GCN1: variants seen among roughly 807,000 people sequenced by gnomAD.
GCN1 encodes stalled ribosome sensor GCN1.
Under a neutral mutation model 288.4 loss-of-function variants are expected in GCN1, and 90 were observed. The ratio of observed to expected loss-of-function variants is 0.31; its 90% CI spans 0.26 to 0.37. The LOEUF (loss-of-function observed/expected upper bound fraction) is 0.37, where lower values mean the gene tolerates loss of function less well. GCN1 is among the 10% of genes least tolerant of loss of function. The pLI, the probability that GCN1 is intolerant of heterozygous loss-of-function variation, is 1.00. For synonymous variants in GCN1, 1,386 were observed against 1,420.2 expected, an observed-to-expected ratio of 0.98 and a Z score of 0.54; for missense variants, 2,586 against 3,419.9, an observed-to-expected ratio of 0.76 and a Z score of 6.08.
At chr12:120,162,265 G>T (rs947147912) in intron 20 of GCN1, 5 of 581,112 alleles carry the variant, frequency 8.6e-6, no homozygotes, top group Non-Finnish European at 1.2e-5. Context: ...AGCACCTGAC[G>T]TGAGGTGATA....
Position 120,157,949 on chromosome 12 carries a change from C to T in GCN1, c.2987G>A (p.Ser996Asn), listed in dbSNP as rs548917102. Residue 996 changes from serine (S) to asparagine (N), a missense_variant, in exon 26 of 58, where the codon AGT (serine) becomes AAT (asparagine). By Grantham distance (46) the Ser-to-Asn change is conservative. This residue lies in a region of GCN1 where 153 missense variants were observed against 252.0 expected (regional missense o/e 0.61). Coordinates refer to ENST00000300648, the MANE Select transcript of GCN1 (RefSeq NM_006836.2). ...KMVLTEMPHH[S>N]EEEEEWMAQI... ...GGCCATCCACTCCTCCTCCTCCTCA[C>T]TGTGGTGGGGCATCTCCGTCAGCAC... is the stretch of plus-strand genomic sequence containing the variant. The T allele has an allele frequency of 5.0e-6, 8 of 1,614,010 alleles. No homozygotes were observed. The highest frequency in any genetic ancestry group is 4.4e-5 in the South Asian group (4 of 91,080).
At position 120,156,380 on chromosome 12, in the gene GCN1, T is replaced by C. The variant is rs558704849; in HGVS notation, c.3312+81A>G. 8 of 1,387,096 alleles carry C rather than the reference T, an allele frequency of 5.8e-6. No individual in the cohort carries two copies. The Admixed American group carries it at 1.4e-4, about 24-fold the overall frequency. The allele number at this position is 1,387,096 out of a possible 1,614,324, so 85.9% of individuals were successfully genotyped here. A position where few individuals can be genotyped will look rare whatever the true frequency, so the allele number is the denominator to read the frequency against. On this transcript the variant is annotated intron_variant, in intron 28 of 57. Transcript: ENST00000300648. The surrounding 1 kb of genome is among the most constrained non-coding windows in gnomAD (Gnocchi z 5.8). ...GGCCTCCCACCAGAGTGAGGGACAT[T>C]CTCTCAAATGCCCATCATGCAATTT...
rs762722545 is a variant in GCN1 at position 120,170,333 on chromosome 12, G to A, written c.1367-12C>T. 68 of 1,613,262 alleles carry A rather than the reference G, an allele frequency of 4.2e-5. No individual in the cohort carries two copies. The highest frequency in any genetic ancestry group is 5.5e-5 in the Non-Finnish European group (65 of 1,179,448). Reference sequence around the variant, plus strand: ...CAACAGCGTGTCACCTGTGGAGAGAGGACAAGCACCTTAAAGGACATCCTG... The same window carrying A: ...CAACAGCGTGTCACCTGTGGAGAGAAGACAAGCACCTTAAAGGACATCCTG... On this transcript the variant is annotated splice_polypyrimidine_tract_variant and intron_variant, in intron 14 of 57. Transcript: ENST00000300648.
chr12:120,141,864 A>G (rs1471853714), intron 44 of GCN1, among the ~76,000 whole-genome samples: 1 of 152,194 alleles, frequency 6.6e-6, no homozygotes, highest in Non-Finnish European at 1.5e-5. Context: ...TTGCAGTGCC[A>G]TGCAGCACTG....
At position 120,178,717 on chromosome 12, in the gene GCN1, G is replaced by A. The variant is rs771738501; in HGVS notation, c.568C>T (p.Leu190=). The A allele has an allele frequency of 2.5e-6, 4 of 1,614,020 alleles. No individual in the cohort carries two copies. The highest frequency in any genetic ancestry group is 2.7e-5 in the African/African-American group (2 of 74,942). ...VEQYLSAILS[L]EPNQNYAGML... is the part of the protein sequence containing the mutation. The stretch of plus-strand genomic sequence containing the variant: ...CCAGCATAGTTCTGGTTGGGCTCTA[G>A]GCTGAGAATGGCTGACAAGTACTGT... The change falls in exon 7 of 58, where the codon CTA becomes TTA. Residue 190 remains leucine, a synonymous_variant. Coordinates refer to ENST00000300648, the MANE Select transcript of GCN1 (RefSeq NM_006836.2).
chr12:120,173,300 G>A (rs1226045275), intron 14 of GCN1, among the ~76,000 whole-genome samples: 1 of 151,940 alleles, frequency 6.6e-6, no homozygotes, highest in Non-Finnish European at 1.5e-5. Context: ...TGCCCGCCTC[G>A]GCCTTCCAAA....
At chr12:120,160,389 C>T (rs1208302935) in intron 22 of GCN1, 134 bp from the exon 23 acceptor site, 7 of 643,604 alleles carry the variant, frequency 1.1e-5, no homozygotes, top group Non-Finnish European at 1.7e-5. Context: ...CCTGAACCCA[C>T]CATGTGCACC....
At chr12:120,133,302 A>C (rs1376418807) in intron 53 of GCN1, among the ~76,000 whole-genome samples, 1 of 152,198 alleles carries the variant, frequency 6.6e-6, no homozygotes, top group African/African-American at 2.4e-5. Context: ...ACCACAACAG[A>C]GGGCTGTCTG....
intron 2 of GCN1, among the ~76,000 whole-genome samples, chr12:120,185,405 A>G (rs1026894113): frequency 5.3e-5 from 8 of 152,220 alleles, no homozygotes; most frequent in African/African-American, 1.9e-4. Flanking sequence ...TAGGCTCTGG[A>G]AAAATGGAAA....
chr12:120,132,446 C>A (rs150054854), intron 53 of GCN1, among the ~76,000 whole-genome samples: 1 of 152,114 alleles, frequency 6.6e-6, no homozygotes, highest in East Asian at 1.9e-4. Flanking sequence ...CCAGGGAAGC[C>A]GGCTAGAGAC....
At chr12:120,187,567 G>A (rs754075135) in intron 2 of GCN1, among the ~76,000 whole-genome samples, 2 of 151,780 alleles carry the variant, frequency 1.3e-5, no homozygotes, top group South Asian at 2.1e-4. Context: ...TAAAGGACTC[G>A]TTAAAACACA....
At chr12:120,133,911 AGTACAAGT>A (rs1876911537) in intron 53 of GCN1, among the ~76,000 whole-genome samples, 1 of 152,192 alleles carries the variant, frequency 6.6e-6, no homozygotes, top group Non-Finnish European at 1.5e-5. Context: ...CTCTACTAAA[AGTACAAGT>A]ATTAGCTGGG....
In GCN1 at chr12:120,155,104, G is replaced by A; in HGVS notation, c.3631-64C>T. The A allele has an allele frequency of 6.5e-7, 1 of 1,538,872 alleles. No individual in the cohort carries two copies. Among genetic ancestry groups the A allele is most frequent in the Non-Finnish European group, 9.0e-7 (1 of 1,111,246 alleles). On this transcript the variant is annotated intron_variant, in intron 30 of 57. Transcript: ENST00000300648. This position sits in a 1 kb window ranked among gnomAD's most constrained non-coding sequence, Gnocchi z 4.9. Reference sequence around the variant, plus strand: ...GATCAATGACCTGGGCACCAGGATTGTGAGGCAGGAAACTAGCCGCAGCTA... The same window carrying A: ...GATCAATGACCTGGGCACCAGGATTATGAGGCAGGAAACTAGCCGCAGCTA...
Position 120,129,260 on chromosome 12 carries a change from C to G in GCN1, c.7890+16G>C, listed in dbSNP as rs368241252. 5 of 1,559,652 alleles carry G rather than the reference C, an allele frequency of 3.2e-6. No homozygotes were observed. Among genetic ancestry groups the G allele is most frequent in the Admixed American group, 1.7e-5 (1 of 59,770 alleles). ...ATGCTCACAGCACATCCTGGTGAGG[C>G]CCCCCAGGCTCCCACCTGAAACACC... On this transcript the variant is annotated intron_variant, in intron 57 of 57. Coordinates refer to ENST00000300648, the MANE Select transcript of GCN1 (RefSeq NM_006836.2).
rs567784454 is a variant in GCN1 at position 120,181,690 on chromosome 12, C to A, written c.426+1879G>T. Among the ~76,000 whole-genome samples the A allele has an allele frequency of 1.1e-4, 17 of 149,676 alleles. No homozygotes were observed. The South Asian group carries it at 3.6e-3, about 32-fold the overall frequency. On this transcript the variant is annotated intron_variant, in intron 5 of 57. Transcript: ENST00000300648. ...CCCCGTCTCTAGTAAAAATACAAAA[C>A]TAGTCGGGCATGGTGGCACATGCCT...
intron 23 of GCN1, 30 bp downstream of exon 23, chr12:120,160,112 C>T: frequency 6.3e-7 from 1 of 1,596,540 alleles, no homozygotes; most frequent in Non-Finnish European, 8.6e-7. Context: ...ACTCTTCCGG[C>T]TTGAGCATGT....
chr12:120,161,639 G>A, intron 21 of GCN1, 56 bp from the exon 22 acceptor site: 3 of 1,300,866 alleles, frequency 2.3e-6, no homozygotes, highest in Non-Finnish European at 3.3e-6. Context: ...AGTCCTGTCA[G>A]CCTCCCGCCA....
chr12:120,149,823 T>A, intron 35 of GCN1, 99 bp downstream of exon 35: 1 of 1,540,408 alleles, frequency 6.5e-7, no homozygotes. Flanking sequence ...CTTACTGGGG[T>A]TCTATTATGT....
rs765523094 is a variant in GCN1, at chr12:120,160,217, C to T, written c.2475G>A (p.Gln825=). ...GCATCTCCTTCTGCTTGCTGGTCAG[C>T]TGCACCTCCTCTTTGATGCCTTTCT... ...KKKKGIKEEV[Q]LTSKQKEMLQ... Residue 825 remains glutamine, a synonymous_variant, in exon 23 of 58, where the codon CAG becomes CAA. Coordinates refer to ENST00000300648, the MANE Select transcript of GCN1 (RefSeq NM_006836.2). 21 of 1,612,402 alleles carry T rather than the reference C, an allele frequency of 1.3e-5. No individual in the cohort carries two copies. The highest frequency in any genetic ancestry group is 1.8e-5 in the Non-Finnish European group (21 of 1,179,914).
Sources: allele counts gnomAD v4.1 joint callset (sites outside exome capture counted in the v4.1 genomes callset), GRCh38; gene constraint gnomAD v4.1.1; regional missense constraint gnomAD v4.1.1; non-coding constraint Gnocchi (gnomAD v3.1); transcripts MANE v1.5; gene names NCBI Gene and HGNC (gene_info 2026-07-23, HGNC 2026-07-21).